COX5A: variants seen among roughly 807,000 people sequenced by gnomAD.
The protein encoded by COX5A is cytochrome c oxidase subunit 5A, mitochondrial.
Under a neutral mutation model 16.1 loss-of-function variants are expected in COX5A, and 6 were observed. The ratio of observed to expected loss-of-function variants is 0.37; its 90% CI spans 0.20 to 0.73. The LOEUF (loss-of-function observed/expected upper bound fraction) is 0.73, where lower values mean the gene tolerates loss of function less well. Ranked by LOEUF, COX5A falls within the 30% of genes least tolerant of loss-of-function variation. COX5A has a pLI of 0.50. For synonymous variants in COX5A, 73 were observed against 73.8 expected (o/e 0.99, Z 0.06); for missense variants, 159 against 194.9 (o/e 0.82, Z 1.10).
In COX5A at chr15:74,920,257, C is replaced by T. The variant is rs910497243; in HGVS notation, c.*195G>A. 5.4e-5 allele frequency: 33 copies of T among 612,096 alleles called. No homozygotes were observed. The highest frequency in any genetic ancestry group is 8.1e-4 in the Middle Eastern group (2 of 2,462). 37.9% of individuals were successfully genotyped at this position (612,096 alleles called of 1,614,324 possible). On this transcript the variant is annotated 3_prime_UTR_variant, in exon 5 of 5. Transcript: ENST00000322347. ...AATTTTCTGCTTATTAATGCAAACA[C>T]ATGAAACAAATACCTAATTTCAGTT...
intron 3 of COX5A, among the ~76,000 whole-genome samples, chr15:74,924,765 G>A (rs1052226072): frequency 2.0e-5 from 3 of 152,150 alleles, no homozygotes; most frequent in African/African-American, 7.2e-5. Context: ...TCCAATTTGA[G>A]ACCTTAACTG....
chr15:74,937,924 G>A lies in COX5A; in HGVS notation c.91C>T (p.Pro31Ser), dbSNP rs1595864439. ...GLLHSARTPG[P>S]AVAIQSVRCY... ...CAAGCAGGGGCCTTACCCACGGCGG[G>A]GCCGGGGGTCCGGGCGGAGTGCAGG... Residue 31 changes from proline to serine, a missense_variant, in exon 1 of 5, where the codon CCC becomes TCC. By Grantham distance (74) the Pro-to-Ser change is moderately conservative. Coordinates refer to ENST00000322347, the MANE Select transcript of COX5A (RefSeq NM_004255.4). The A allele has an allele frequency of 6.5e-6, 8 of 1,231,880 alleles. No homozygotes were observed. Among genetic ancestry groups the A allele is most frequent in the Non-Finnish European group, 8.1e-6 (8 of 986,706 alleles). The allele number at this position is 1,231,880 out of a possible 1,614,324, so 76.3% of individuals were successfully genotyped here. A position where few individuals can be genotyped will look rare whatever the true frequency, so the allele number is the denominator to read the frequency against.
intron 2 of COX5A, among the ~76,000 whole-genome samples, chr15:74,928,257 T>G (rs887166018): frequency 1.3e-5 from 2 of 152,186 alleles, no homozygotes; most frequent in Admixed American, 6.5e-5. Context: ...TAAGTGTGCA[T>G]CTGCAAATTT....
intron 4 of COX5A, among the ~76,000 whole-genome samples, chr15:74,921,500 C>T (rs946237721): frequency 1.3e-5 from 2 of 151,198 alleles, no homozygotes; most frequent in Admixed American, 6.6e-5. Flanking sequence ...GAGGCTGAGG[C>T]GGGTGGATCA....
At chr15:74,930,347 G>A (rs1326376397) in intron 1 of COX5A, among the ~76,000 whole-genome samples, 1 of 150,736 alleles carries the variant, frequency 6.6e-6, no homozygotes, top group East Asian at 2.0e-4. Flanking sequence ...GAACCCAGGA[G>A]GCGGAGGTTG....
intron 1 of COX5A, 107 bp from the exon 2 acceptor site, chr15:74,929,339 T>C (rs924753874): frequency 1.4e-6 from 1 of 719,218 alleles, no homozygotes; most frequent in Admixed American, 2.2e-5. Flanking sequence ...GCAGCAAAAA[T>C]ATTGAACAGG....
rs867323777 is a variant in COX5A at position 74,931,047 on chromosome 15, T to A, written c.101-1815A>T. Reference sequence around the variant, plus strand: ...AAAAAAAAAAAAAAAAAAAAAAAAATTCTCATGTTATTATATTCCAAAATA... The same window carrying A: ...AAAAAAAAAAAAAAAAAAAAAAAAAATCTCATGTTATTATATTCCAAAATA... On this transcript the variant is annotated intron_variant, in intron 1 of 4. Coordinates refer to ENST00000322347, the MANE Select transcript of COX5A (RefSeq NM_004255.4). Among the ~76,000 whole-genome samples the A allele has an allele frequency of 9.1e-3, 952 of 105,124 alleles. 16 individuals are homozygous for A. The highest frequency in any genetic ancestry group is 0.03 in the African/African-American group (837 of 28,070). 69.0% of individuals were successfully genotyped at this position (105,124 alleles called of 152,430 possible). A position where few individuals can be genotyped will look rare whatever the true frequency, so the allele number is the denominator to read the frequency against.
At chr15:74,930,203 A>G (rs1470646911) in intron 1 of COX5A, among the ~76,000 whole-genome samples, 1 of 152,102 alleles carries the variant, frequency 6.6e-6, no homozygotes, top group Non-Finnish European at 1.5e-5. Context: ...GTGGATCAAG[A>G]GGTCAAGAGA....
intron 1 of COX5A, among the ~76,000 whole-genome samples, chr15:74,935,912 ACTT>A (rs1196498709): frequency 4.0e-5 from 6 of 151,804 alleles, no homozygotes; most frequent in Non-Finnish European, 8.8e-5. Flanking sequence ...TTGTACTGTT[ACTT>A]TAGCAAAACA....
At chr15:74,932,088 C>G (rs2065370001) in intron 1 of COX5A, among the ~76,000 whole-genome samples, 1 of 152,138 alleles carries the variant, frequency 6.6e-6, no homozygotes, top group Admixed American at 6.6e-5. Flanking sequence ...GGGGACGCTA[C>G]CCCCCTTAGC....
chr15:74,931,454 T>C (rs2065367196), intron 1 of COX5A, among the ~76,000 whole-genome samples: 1 of 151,838 alleles, frequency 6.6e-6, no homozygotes, highest in African/African-American at 2.4e-5. Flanking sequence ...TGAGGTGAGA[T>C]GATGCCATTG....
At chr15:74,931,369 C>T (rs1356800797) in intron 1 of COX5A, among the ~76,000 whole-genome samples, 5 of 151,766 alleles carry the variant, frequency 3.3e-5, no homozygotes, top group Admixed American at 6.6e-5. Context: ...GGCGTGATGA[C>T]GGGCGCCTGT....
intron 1 of COX5A, among the ~76,000 whole-genome samples, chr15:74,933,419 A>AAATCTATC (rs1555407172): frequency 7.0e-6 from 1 of 143,394 alleles, no homozygotes; most frequent in Non-Finnish European, 1.6e-5. Flanking sequence ...AAAAAAAAAA[A>AAATCTATC]TATCTATCTA....
At chr15:74,930,093 C>CAAACAA (rs201496748) in intron 1 of COX5A, among the ~76,000 whole-genome samples, 14 of 146,102 alleles carry the variant, frequency 9.6e-5, no homozygotes, top group East Asian at 8.5e-4. Context: ...AACAAACAAA[C>CAAACAA]AAACAAAAAC....
intron 1 of COX5A, among the ~76,000 whole-genome samples, chr15:74,934,431 C>T (rs926327438): frequency 1.3e-5 from 2 of 151,844 alleles, no homozygotes; most frequent in Admixed American, 6.6e-5. Context: ...CCCAGGTTCA[C>T]GCCATTCTCC....
intron 1 of COX5A, among the ~76,000 whole-genome samples, chr15:74,936,111 T>G (rs1364706470): frequency 6.6e-6 from 1 of 150,986 alleles, no homozygotes; most frequent in Admixed American, 6.6e-5. Flanking sequence ...GCCAACATGG[T>G]GAAACCCCAT....
At position 74,929,762 on chromosome 15, in the gene COX5A, A is replaced by G. The variant is rs2065358539; in HGVS notation, c.101-530T>C. ...ATAGCCATTGCATTCCAGCCTGGGC[A>G]ACACAGCGACACCCCACTTCTAAAA... On this transcript the variant is annotated intron_variant, in intron 1 of 4. Coordinates refer to ENST00000322347, the MANE Select transcript of COX5A (RefSeq NM_004255.4). Among the ~76,000 whole-genome samples the G allele has an allele frequency of 2.0e-5, 3 of 151,998 alleles. No homozygotes were observed. In the South Asian group the frequency reaches 6.2e-4, roughly 32 times the overall value.
intron 3 of COX5A, among the ~76,000 whole-genome samples, chr15:74,926,499 GAAAAA>G (rs57676926): frequency 7.8e-6 from 1 of 127,654 alleles, no homozygotes; most frequent in African/African-American, 3.3e-5. Flanking sequence ...AAAAAAGAAA[GAAAAA>G]AAAAAAAGAG....
chr15:74,934,936 A>G (rs1268433261), intron 1 of COX5A, among the ~76,000 whole-genome samples: 3 of 152,186 alleles, frequency 2.0e-5, no homozygotes, highest in African/African-American at 7.2e-5. Flanking sequence ...TATTTCTAAC[A>G]CTGCTTTTTG....
Sources: allele counts gnomAD v4.1 joint callset (sites outside exome capture counted in the v4.1 genomes callset), GRCh38; gene constraint gnomAD v4.1.1; transcripts MANE v1.5; gene names NCBI Gene and HGNC (gene_info 2026-07-23, HGNC 2026-07-21).